The following CCDC13 variants were observed in gnomAD, a reference collection of about 807,000 sequenced individuals.
The protein encoded by CCDC13 is coiled-coil domain containing 13, also known as coiled-coil domain-containing protein 13.
In CCDC13, 70 loss-of-function variants were observed where a neutral mutation model predicts 87.3. That is an observed-to-expected ratio of 0.80 (90% CI 0.66 to 0.98). The LOEUF is 0.98. CCDC13 is among the 50% of genes least tolerant of loss of function. CCDC13 has a pLI of 0.00. For missense variants in CCDC13, 842 were observed against 892.0 expected (o/e 0.94, Z 0.71); for synonymous variants, 317 against 360.3 (o/e 0.88, Z 1.36).
At chr3:42,740,089 T>A (rs1699165681) in intron 8 of CCDC13, among the ~76,000 whole-genome samples, 1 of 152,044 alleles carries the variant, frequency 6.6e-6, no homozygotes, top group African/African-American at 2.4e-5. Context: ...TCCTAGCACA[T>A]GAGAGGAAAG....
chr3:42,723,903 G>GT (rs1418072905), intron 13 of CCDC13, among the ~76,000 whole-genome samples: 1 of 151,976 alleles, frequency 6.6e-6, no homozygotes, highest in African/African-American at 2.4e-5. Context: ...AATATACTAA[G>GT]TAAAATAAGT....
intron 1 of CCDC13, among the ~76,000 whole-genome samples, chr3:42,762,665 G>A (rs142781879): frequency 1.6e-4 from 25 of 152,324 alleles, no homozygotes; most frequent in African/African-American, 6.0e-4. Context: ...CTGGAAGCTT[G>A]CACCTGGTGT....
intron 14 of CCDC13, among the ~76,000 whole-genome samples, chr3:42,710,217 C>G (rs527933406): frequency 3.3e-5 from 5 of 150,118 alleles, no homozygotes; most frequent in Admixed American, 2.0e-4. Flanking sequence ...TCAAGCGATT[C>G]TTGTGCCTCC....
chr3:42,772,400 T>C (rs1272847904), intron 1 of CCDC13, among the ~76,000 whole-genome samples: 1 of 151,950 alleles, frequency 6.6e-6, no homozygotes, highest in South Asian at 2.1e-4. Context: ...TCTGGAGTCC[T>C]ATGAGGAAGC....
chr3:42,747,387 A>T lies in CCDC13; in HGVS notation c.604-14T>A. 6.3e-7 allele frequency: 1 copy of T among 1,577,898 alleles called. No individual in the cohort carries two copies. The highest frequency in any genetic ancestry group is 1.1e-5 in the South Asian group (1 of 90,402). ...TGGGGTCTCCAGCTGGTTGGGAAGG[A>T]CAGGAGAGAAAGTAGTCATTTATTG... is the stretch of plus-strand genomic sequence containing the variant. On this transcript the variant is annotated splice_polypyrimidine_tract_variant and intron_variant, in intron 5 of 15. Transcript: ENST00000310232.
chr3:42,763,503 C>CTT (rs765712843), intron 1 of CCDC13, among the ~76,000 whole-genome samples: 14 of 130,022 alleles, frequency 1.1e-4, no homozygotes, highest in African/African-American at 2.8e-4. Flanking sequence ...AAGAGATGTA[C>CTT]TTTTTTTTTT....
chr3:42,739,668 C>A lies in CCDC13; in HGVS notation c.1130G>T (p.Gly377Val). The change falls in exon 9 of 16, where the codon GGC becomes GTC. Residue 377 changes from glycine (G) to valine (V), a missense_variant. By Grantham distance (109) the Gly-to-Val change is moderately radical. Transcript: ENST00000310232. ...GTCGATGAGCTCGTCATCATGCCGG[C>A]CCTTCTCCACCAGGGTTCCCATCTG... ...KSQMGTLVEK[G>V]RHDDELIDAL... The A allele has an allele frequency of 6.2e-7, 1 of 1,614,162 alleles. No homozygotes were observed. The highest frequency in any genetic ancestry group is 1.1e-5 in the South Asian group (1 of 91,092).
chr3:42,758,070 C>CAT (rs1699744072), intron 2 of CCDC13, 55 bp downstream of exon 2: 2 of 1,188,892 alleles, frequency 1.7e-6, no homozygotes, highest in East Asian at 4.9e-5. Context: ...GGTACACACA[C>CAT]ACACACACAC....
intron 1 of CCDC13, among the ~76,000 whole-genome samples, chr3:42,771,676 G>GC (rs1700114171): frequency 6.6e-6 from 1 of 152,090 alleles, no homozygotes. Flanking sequence ...GATTGCTTGA[G>GC]CCCAGGGGTT....
chr3:42,771,303 A>C (rs1186670829), intron 1 of CCDC13, among the ~76,000 whole-genome samples: 1 of 152,254 alleles, frequency 6.6e-6, no homozygotes, highest in African/African-American at 2.4e-5. Flanking sequence ...AATCCCTTCT[A>C]AATGAAAAAT....
intron 13 of CCDC13, among the ~76,000 whole-genome samples, chr3:42,715,132 A>G (rs1480507408): frequency 9.7e-6 from 1 of 103,144 alleles, no homozygotes; most frequent in Non-Finnish European, 1.9e-5. Flanking sequence ...CCTCGTCTCT[A>G]CTAAAAATAC....
chr3:42,764,042 T>C (rs1192609213), intron 1 of CCDC13, among the ~76,000 whole-genome samples: 1 of 152,210 alleles, frequency 6.6e-6, no homozygotes, highest in African/African-American at 2.4e-5. Context: ...TTTAAAATTT[T>C]TCTGATTGGT....
chr3:42,730,400 T>C, intron 13 of CCDC13, 67 bp downstream of exon 13: 4 of 1,574,712 alleles, frequency 2.5e-6, no homozygotes, highest in Non-Finnish European at 3.5e-6. Flanking sequence ...CAGTCATAAA[T>C]GAGGCCTGGC....
rs569273504 is a variant in CCDC13 at position 42,737,862 on chromosome 3, C to T, written c.1164+1772G>A. ...AAATTTTATCCCATTCTTTAGGTTG[C>T]CTGTTCACTCTGATGGTAGTTTCTT... On this transcript the variant is annotated intron_variant, in intron 9 of 15. Coordinates refer to ENST00000310232, the MANE Select transcript of CCDC13 (RefSeq NM_144719.4). Among the ~76,000 whole-genome samples the T allele has an allele frequency of 7.9e-5, 12 of 152,198 alleles. No individual in the cohort carries two copies. In the South Asian group the frequency reaches 2.5e-3, roughly 32 times the overall value.
chr3:42,758,579 A>G (rs1408708600), intron 1 of CCDC13, among the ~76,000 whole-genome samples: 1 of 152,198 alleles, frequency 6.6e-6, no homozygotes, highest in African/African-American at 2.4e-5. Context: ...ACATGGCATC[A>G]GAATAGTCTC....
At chr3:42,719,366 C>T (rs1306294615) in intron 13 of CCDC13, 1 of 146,114 alleles carries the variant, frequency 6.8e-6, no homozygotes, top group Non-Finnish European at 1.5e-5. Context: ...CCCCACTCTG[C>T]CTCAGGCAGT....
At chr3:42,758,081 A>ACACT (rs1553692949) in intron 2 of CCDC13, 44 bp downstream of exon 2, 25 of 1,519,004 alleles carry the variant, frequency 1.6e-5, no homozygotes, top group Non-Finnish European at 2.2e-5. Flanking sequence ...ACACACACAC[A>ACACT]CACACACACA....
chr3:42,715,206 G>A (rs1390222300), intron 13 of CCDC13, among the ~76,000 whole-genome samples: 1 of 152,044 alleles, frequency 6.6e-6, no homozygotes, highest in East Asian at 1.9e-4. Flanking sequence ...CTATTTGGGA[G>A]GCTGAGGCAG....
At chr3:42,746,068 G>A (rs758300098) in intron 6 of CCDC13, 41 bp from the exon 7 acceptor site, 1 of 1,433,320 alleles carries the variant, frequency 7.0e-7, no homozygotes, top group Non-Finnish European at 9.8e-7. Flanking sequence ...AAAAGAGAGG[G>A]CTCCACCAGA....
Sources: gnomAD v4.1 joint callset for allele counts (sites outside exome capture counted in the v4.1 genomes callset) on GRCh38, gnomAD v4.1.1 for gene constraint, MANE v1.5 for transcripts, NCBI Gene and HGNC (gene_info 2026-07-23, HGNC 2026-07-21) for gene names.